Variants in ABCF1 observed in about 807,000 individuals in gnomAD.
The protein encoded by ABCF1 is ATP-binding cassette sub-family F member 1.
In ABCF1, 73 loss-of-function variants were observed where a neutral mutation model predicts 126.3. The ratio of observed to expected loss-of-function variants is 0.58; its 90% CI spans 0.48 to 0.70. The LOEUF is 0.70. Ranked by LOEUF, ABCF1 falls within the 30% of genes least tolerant of loss-of-function variation. The pLI, the probability that ABCF1 is intolerant of heterozygous loss-of-function variation, is 0.00. For synonymous variants in ABCF1, 345 were observed against 396.4 expected, an observed-to-expected ratio of 0.87 and a Z score of 1.54; for missense variants, 786 against 1,057.5, an observed-to-expected ratio of 0.74 and a Z score of 3.56.
chr6:30,575,053 A>ATACCATTG (rs1801424630), intron 1 of ABCF1, among the ~76,000 whole-genome samples: 1 of 150,894 alleles, frequency 6.6e-6, no homozygotes, highest in East Asian at 1.9e-4. Flanking sequence ...TAGATGGCGG[A>ATACCATTG]TACCATTGAC....
intron 6 of ABCF1, among the ~76,000 whole-genome samples, chr6:30,579,397 G>A (rs1371489667): frequency 6.6e-6 from 1 of 151,540 alleles, no homozygotes; most frequent in Non-Finnish European, 1.5e-5. Flanking sequence ...ACTCATTTAG[G>A]GTACTCCTCA....
chr6:30,585,787 A>G (rs937518512), intron 16 of ABCF1, 92 bp from the exon 17 acceptor site: 45 of 1,564,062 alleles, frequency 2.9e-5, no homozygotes, highest in Non-Finnish European at 3.9e-5. Flanking sequence ...AATTCCAGAC[A>G]GTGATGCCTA....
chr6:30,590,437 C>T, intron 24 of ABCF1, 59 bp downstream of exon 24: 1 of 1,572,258 alleles, frequency 6.4e-7, no homozygotes, highest in Non-Finnish European at 8.7e-7. Context: ...CTGTAGTGTC[C>T]TTCACTACAG....
rs766298443 is a variant in ABCF1 at position 30,590,601 on chromosome 6, A to T, written c.2438A>T (p.Glu813Val). Residue 813 changes from glutamate (E) to valine (V), a missense_variant, in exon 25 of 25, where the codon GAG becomes GTG. This residue lies in a region of ABCF1 where 288 missense variants were observed against 423.5 expected (regional missense o/e 0.68). Coordinates refer to ENST00000326195, the MANE Select transcript of ABCF1 (RefSeq NM_001025091.2). ...ACCAATTGCCAGCTGTGGGTGGTGG[A>T]GGAGCAGAGTGTTAGCCAAATCGAT... ...TETNCQLWVV[E>V]EQSVSQIDGD... is the part of the protein sequence containing the mutation. The T allele has an allele frequency of 1.2e-6, 2 of 1,613,032 alleles. No homozygotes were observed. Among genetic ancestry groups the T allele is most frequent in the Admixed American group, 3.3e-5 (2 of 60,008 alleles).
Position 30,584,504 on chromosome 6 carries a change from A to G in ABCF1, c.1329A>G (p.Glu443=). The change falls in exon 14 of 25, where the codon GAA becomes GAG. Residue 443 remains glutamate (E), a synonymous_variant. Transcript: ENST00000326195. This position sits in a 1 kb window ranked among gnomAD's most constrained non-coding sequence, Gnocchi z 4.6. ...TGGCTGGCCTGGGCTTTGACCCTGA[A>G]ATGCAGAATCGACCCACACAGAAGT... The part of the protein sequence containing the change: ...RILAGLGFDP[E]MQNRPTQKFS... 1 of 1,612,888 alleles carries G rather than the reference A, an allele frequency of 6.2e-7. No homozygotes were observed. The highest frequency in any genetic ancestry group is 1.3e-5 in the African/African-American group (1 of 75,024).
intron 6 of ABCF1, among the ~76,000 whole-genome samples, chr6:30,579,439 A>ATCATAAGT (rs1167668835): frequency 6.7e-6 from 1 of 149,748 alleles, no homozygotes; most frequent in African/African-American, 2.5e-5. Context: ...AGATAAACCC[A>ATCATAAGT]TCATAAGTTG....
In ABCF1 at chr6:30,586,795, T is replaced by C; in HGVS notation, c.2031+84T>C. 6.9e-7 allele frequency: 1 copy of C among 1,443,976 alleles called. No homozygotes were observed. Among genetic ancestry groups the C allele is most frequent in the Non-Finnish European group, 9.6e-7 (1 of 1,037,892 alleles). The allele number at this position is 1,443,976 out of a possible 1,614,324, so 89.4% of individuals were successfully genotyped here. ...CCAGAAGCTGGAATCAGGGAGCCTC[T>C]CGAGAATGTAGAGTTAAATACAGAA... On this transcript the variant is annotated intron_variant, in intron 20 of 24. Transcript: ENST00000326195. This position sits in a 1 kb window ranked among gnomAD's most constrained non-coding sequence, Gnocchi z 4.9.
Position 30,583,670 on chromosome 6 carries a change from T to C in ABCF1, c.978T>C (p.Ile326=), listed in dbSNP as rs752247421. Residue 326 remains isoleucine (I), a synonymous_variant, in exon 11 of 25, where the codon ATT becomes ATC. Coordinates refer to ENST00000326195, the MANE Select transcript of ABCF1 (RefSeq NM_001025091.2). The surrounding 1 kb of genome is among the most constrained non-coding windows in gnomAD (Gnocchi z 4.1). ...KELFVNADLY[I]VAGRRYGLVG... is the part of the protein sequence containing the mutation. ...TGTTCGTCAATGCAGACCTGTACAT[T>C]GTAGCCGGCCGCCGCTACGGGCTGG... The C allele has an allele frequency of 1.2e-6, 2 of 1,613,918 alleles. No homozygotes were observed. Among genetic ancestry groups the C allele is most frequent in the Non-Finnish European group, 8.5e-7 (1 of 1,179,886 alleles).
chr6:30,583,295 A>G lies in ABCF1; in HGVS notation c.915+107A>G. 1 of 1,445,192 alleles carries G rather than the reference A, an allele frequency of 6.9e-7. No individual in the cohort carries two copies. The highest frequency in any genetic ancestry group is 9.3e-7 in the Non-Finnish European group (1 of 1,071,896). The allele number at this position is 1,445,192 out of a possible 1,614,324, so 89.5% of individuals were successfully genotyped here. ...GTGAATGGGTTAGTTCAGTGGGAAG[A>G]AAGATTGGAGGCATTTTCCACACCT... On this transcript the variant is annotated intron_variant, in intron 10 of 24. Coordinates refer to ENST00000326195, the MANE Select transcript of ABCF1 (RefSeq NM_001025091.2). This position sits in a 1 kb window ranked among gnomAD's most constrained non-coding sequence, Gnocchi z 4.1.
chr6:30,584,099 A>G lies in ABCF1; in HGVS notation c.1103-93A>G. On this transcript the variant is annotated intron_variant, in intron 12 of 24. Transcript: ENST00000326195. The surrounding 1 kb of genome is among the most constrained non-coding windows in gnomAD (Gnocchi z 4.6). ...TTGGAACAAGTACAAAGAGCTGGGC[A>G]GGGTCAGGCAAAACAGAAATGTAAT... 1 of 1,525,008 alleles carries G rather than the reference A, an allele frequency of 6.6e-7. No homozygotes were observed. Among genetic ancestry groups the G allele is most frequent in the South Asian group, 1.3e-5 (1 of 79,918 alleles). The allele number at this position is 1,525,008 out of a possible 1,614,324, so 94.5% of individuals were successfully genotyped here.
intron 1 of ABCF1, among the ~76,000 whole-genome samples, chr6:30,573,774 T>G (rs545577163): frequency 3.9e-5 from 6 of 152,288 alleles, no homozygotes; most frequent in African/African-American, 1.4e-4. Context: ...GAGCTAAGGG[T>G]TCAGTGGCAA....
Position 30,577,325 on chromosome 6 carries a change from G to GAGGC in ABCF1, c.74-83_74-80dup, listed in dbSNP as rs1391574747. The GAGGC allele has an allele frequency of 9.5e-6, 12 of 1,262,286 alleles. No homozygotes were observed. In the East Asian group the frequency reaches 2.8e-4, roughly 30 times the overall value. 78.2% of individuals were successfully genotyped at this position (1,262,286 alleles called of 1,614,324 possible). ...GCTAGAAAAATAATAAAATAGGATA[G>GAGGC]AGGCTACAGAGATCTTTGCAGGGGG... On this transcript the variant is annotated intron_variant, in intron 1 of 24. Transcript: ENST00000326195.
intron 20 of ABCF1, 166 bp from the exon 21 acceptor site, chr6:30,589,522 G>T: frequency 1.4e-6 from 1 of 735,622 alleles, no homozygotes. Flanking sequence ...AGAATGGCGT[G>T]AACCCGGAAG....
At position 30,589,994 on chromosome 6, in the gene ABCF1, G is replaced by A. The variant is rs987549038; in HGVS notation, c.2233+20G>A. 3 of 1,610,732 alleles carry A rather than the reference G, an allele frequency of 1.9e-6. No individual in the cohort carries two copies. The highest frequency in any genetic ancestry group is 2.5e-6 in the Non-Finnish European group (3 of 1,178,802). ...TCTCTGGTACCACTTCAGGGGCCAGGGAGGGTGCCCTTCACCTTATCATTC... is the reference window on the plus strand; with the variant it reads ...TCTCTGGTACCACTTCAGGGGCCAGAGAGGGTGCCCTTCACCTTATCATTC... On this transcript the variant is annotated intron_variant, in intron 22 of 24. Transcript: ENST00000326195.
In ABCF1 at chr6:30,583,837, C is replaced by A; in HGVS notation, c.1049C>A (p.Ala350Asp). ...KGKTTLLKHI[A>D]NRALSIPPNI... ...AAGACCACACTCCTCAAGCACATTG[C>A]CAACCGAGCCCTGAGCATCCCTCCC... Residue 350 changes from alanine to aspartate, a missense_variant, in exon 12 of 25, where the codon GCC becomes GAC. Physicochemically the swap from Ala to Asp is moderately radical, Grantham distance 126 (BLOSUM62 -2). Transcript: ENST00000326195. This position sits in a 1 kb window ranked among gnomAD's most constrained non-coding sequence, Gnocchi z 4.1. The A allele has an allele frequency of 1.9e-6, 3 of 1,614,130 alleles. No individual in the cohort carries two copies. The highest frequency in any genetic ancestry group is 2.5e-6 in the Non-Finnish European group (3 of 1,180,026).
In ABCF1 at chr6:30,585,865, C is replaced by T. The variant is rs1208593769; in HGVS notation, c.1601-14C>T. The T allele has an allele frequency of 6.3e-7, 1 of 1,592,180 alleles. No individual in the cohort carries two copies. Among genetic ancestry groups the T allele is most frequent in the Admixed American group, 1.8e-5 (1 of 56,588 alleles). On this transcript the variant is annotated splice_polypyrimidine_tract_variant and intron_variant, in intron 16 of 24. Transcript: ENST00000326195. Reference sequence around the variant, plus strand: ...GGAGCAACCACTGATGCCTGGTCCCCTCTTCTGCCCCAGTGACCTTCAAAA... The same window carrying T: ...GGAGCAACCACTGATGCCTGGTCCCTTCTTCTGCCCCAGTGACCTTCAAAA...
intron 1 of ABCF1, among the ~76,000 whole-genome samples, chr6:30,576,511 A>G (rs553899291): frequency 4.4e-4 from 66 of 150,492 alleles, no homozygotes; most frequent in Non-Finnish European, 8.0e-4. Context: ...CTAGTCTTGA[A>G]CTCCTGACCT....
At position 30,584,315 on chromosome 6, in the gene ABCF1, C is replaced by G; in HGVS notation, c.1226C>G (p.Ala409Gly). The G allele has an allele frequency of 6.2e-7, 1 of 1,613,102 alleles. No homozygotes were observed. Among genetic ancestry groups the G allele is most frequent in the Non-Finnish European group, 8.5e-7 (1 of 1,180,032 alleles). Reference protein sequence around the residue: ...GQLEQGDDTAAERLEKVYEEL... With the variant: ...GQLEQGDDTAGERLEKVYEEL... Reference sequence around the variant, plus strand: ...CTGGAACAAGGGGATGACACAGCTGCTGAGAGGCTAGAGAAGGTAGAGGAG... The same window carrying G: ...CTGGAACAAGGGGATGACACAGCTGGTGAGAGGCTAGAGAAGGTAGAGGAG... Residue 409 changes from alanine to glycine, a missense_variant, in exon 13 of 25, where the codon GCT (alanine) becomes GGT (glycine). Coordinates refer to ENST00000326195, the MANE Select transcript of ABCF1 (RefSeq NM_001025091.2). This position sits in a 1 kb window ranked among gnomAD's most constrained non-coding sequence, Gnocchi z 4.6.
chr6:30,590,830 G>T lies in ABCF1; in HGVS notation c.*129G>T. 9.8e-7 allele frequency: 1 copy of T among 1,024,330 alleles called. No individual in the cohort carries two copies. Among genetic ancestry groups the T allele is most frequent in the Non-Finnish European group, 1.4e-6 (1 of 705,058 alleles). The allele number at this position is 1,024,330 out of a possible 1,614,324, so 63.5% of individuals were successfully genotyped here. A position where few individuals can be genotyped will look rare whatever the true frequency, so the allele number is the denominator to read the frequency against. ...GCAACCATTCAGGCACATGAAGGTG[G>T]AGTGTGACCTTGATGTGACCGGGAT... is the stretch of plus-strand genomic sequence containing the variant. On this transcript the variant is annotated 3_prime_UTR_variant, in exon 25 of 25. Transcript: ENST00000326195.
Sources: allele counts gnomAD v4.1 joint callset (sites outside exome capture counted in the v4.1 genomes callset), GRCh38; gene constraint gnomAD v4.1.1; regional missense constraint gnomAD v4.1.1; non-coding constraint Gnocchi (gnomAD v3.1); transcripts MANE v1.5; gene names NCBI Gene and HGNC (gene_info 2026-07-23, HGNC 2026-07-21).